The following FHIT variants were observed in gnomAD, a reference collection of about 807,000 sequenced individuals.
The protein encoded by FHIT is fragile histidine triad diadenosine triphosphatase.
FHIT carries 19 observed loss-of-function variants against 17.9 expected under a neutral mutation model. The observed-to-expected ratio is 1.06, with a 90% CI of 0.74 to 1.56. FHIT has a LOEUF of 1.56. Ranked by LOEUF, FHIT falls within the 40% of genes most tolerant of loss-of-function variation. The probability of loss-of-function intolerance (pLI) is 0.00; values close to 1 mark genes in which losing one functional copy is unlikely to be tolerated. For missense variants in FHIT, 248 were observed against 189.2 expected (o/e 1.31, Z -1.82); for synonymous variants, 81 against 69.7 (o/e 1.16, Z -0.81).
intron 2 of FHIT, among the ~76,000 whole-genome samples, chr3:61,082,796 T>C (rs1002808761): frequency 2.6e-5 from 4 of 152,214 alleles, no homozygotes; most frequent in African/African-American, 9.6e-5. Context: ...CTTTGTAATA[T>C]GCTGTGTAGC....
At chr3:61,166,837 G>T (rs1276373618) in intron 2 of FHIT, 1 of 152,220 alleles carries the variant, frequency 6.6e-6, no homozygotes, top group Non-Finnish European at 1.5e-5. Context: ...AAGTAAGACA[G>T]GTGTGGTGCT....
intron 5 of FHIT, among the ~76,000 whole-genome samples, chr3:60,376,982 A>C (rs559687759): frequency 4.9e-4 from 75 of 152,226 alleles, no homozygotes; most frequent in African/African-American, 1.2e-4. Flanking sequence ...CCATCCATTT[A>C]TCTCTCTCTC....
At chr3:59,892,194 T>C (rs1212673210) in intron 8 of FHIT, among the ~76,000 whole-genome samples, 3 of 152,170 alleles carry the variant, frequency 2.0e-5, no homozygotes, top group Non-Finnish European at 2.9e-5. Context: ...GGGAGGGACA[T>C]AGCTGGTCAA....
At chr3:60,068,061 C>A (rs555200414) in intron 5 of FHIT, among the ~76,000 whole-genome samples, 38 of 152,098 alleles carry the variant, frequency 2.5e-4, no homozygotes, top group African/African-American at 8.2e-4. Flanking sequence ...CGTGGTGAAA[C>A]CCCGTCTCTA....
intron 4 of FHIT, among the ~76,000 whole-genome samples, chr3:60,607,002 G>C (rs950939880): frequency 9.2e-5 from 14 of 151,976 alleles, no homozygotes; most frequent in Non-Finnish European, 1.6e-4. Flanking sequence ...TACATTGAGA[G>C]GCTGCTCATT....
intron 8 of FHIT, among the ~76,000 whole-genome samples, chr3:59,776,703 A>G (rs1037435027): frequency 1.3e-5 from 2 of 152,168 alleles, no homozygotes; most frequent in Non-Finnish European, 2.9e-5. Flanking sequence ...CCCCTTCAAT[A>G]ATAATCAGAG....
At chr3:60,741,072 G>A (rs1055364559) in intron 4 of FHIT, among the ~76,000 whole-genome samples, 3 of 152,160 alleles carry the variant, frequency 2.0e-5, no homozygotes, top group African/African-American at 7.2e-5. Flanking sequence ...AGAATTAATG[G>A]GAAAAGACAA....
At chr3:61,216,214 G>A (rs576465117) in intron 1 of FHIT, among the ~76,000 whole-genome samples, 1 of 152,172 alleles carries the variant, frequency 6.6e-6, no homozygotes, top group Non-Finnish European at 1.5e-5. Context: ...GCAACCTACA[G>A]AATCGGAGAA....
At chr3:60,642,748 A>G (rs1228319643) in intron 4 of FHIT, among the ~76,000 whole-genome samples, 2 of 152,068 alleles carry the variant, frequency 1.3e-5, no homozygotes, top group African/African-American at 4.8e-5. Flanking sequence ...CTCCAGGGGT[A>G]TGTGGTCCTC....
In FHIT at chr3:61,094,365, C is replaced by A. The variant is rs1361656243; in HGVS notation, c.-163-52266G>T. On this transcript the variant is annotated intron_variant, in intron 2 of 9. Transcript: ENST00000492590. ...GTGCAACCTTGCATAACTGACAGAA[C>A]AATAACTTCTTTGCATCTCACATGC... Among the ~76,000 whole-genome samples, 5 of 152,254 alleles carry A rather than the reference C, an allele frequency of 3.3e-5. No homozygotes were observed. The East Asian group carries it at 5.8e-4, about 18-fold the overall frequency.
At chr3:59,790,520 CT>C (rs1408473064) in intron 8 of FHIT, among the ~76,000 whole-genome samples, 1 of 139,908 alleles carries the variant, frequency 7.1e-6, no homozygotes, top group South Asian at 2.2e-4. Flanking sequence ...CTCTCTCTCT[CT>C]CTCTCTCTGT....
chr3:61,150,070 T>A (rs1039543927), intron 2 of FHIT, among the ~76,000 whole-genome samples: 5 of 152,120 alleles, frequency 3.3e-5, no homozygotes, highest in African/African-American at 1.2e-4. Flanking sequence ...AACAAGTAAT[T>A]GTTGAAAATC....
chr3:60,269,417 G>T (rs1289704003), intron 5 of FHIT, among the ~76,000 whole-genome samples: 1 of 152,136 alleles, frequency 6.6e-6, no homozygotes, highest in African/African-American at 2.4e-5. Context: ...ATCACCTGCT[G>T]GCTGTTCTTT....
intron 2 of FHIT, among the ~76,000 whole-genome samples, chr3:61,117,619 A>G (rs1208806539): frequency 1.3e-5 from 2 of 152,314 alleles, no homozygotes; most frequent in South Asian, 4.1e-4. Context: ...TTCTATAAAC[A>G]TATACATTTA....
chr3:60,762,714 T>C (rs1172122557), intron 4 of FHIT, among the ~76,000 whole-genome samples: 1 of 152,164 alleles, frequency 6.6e-6, no homozygotes, highest in Non-Finnish European at 1.5e-5. Flanking sequence ...AGACTTTGAG[T>C]AAAACAGATT....
intron 7 of FHIT, among the ~76,000 whole-genome samples, chr3:59,960,584 T>C (rs1040684792): frequency 1.3e-5 from 2 of 152,078 alleles, no homozygotes; most frequent in South Asian, 2.1e-4. Flanking sequence ...GTCAGTTTTA[T>C]AGCTAGAAAT....
At chr3:59,766,057 T>C (rs1373911830) in intron 8 of FHIT, among the ~76,000 whole-genome samples, 1 of 152,154 alleles carries the variant, frequency 6.6e-6, no homozygotes, top group African/African-American at 2.4e-5. Flanking sequence ...GAGCATAGAT[T>C]GAGGATGCTG....
chr3:60,137,177 C>T lies in FHIT; in HGVS notation c.104-123025G>A, dbSNP rs112934958. On this transcript the variant is annotated intron_variant, in intron 5 of 9. Transcript: ENST00000492590. ...AAAATACTGAAGCAGCTTTTCCCAACGGTACCTCGCCTCCCTAGAGCGGAA... is the reference window on the plus strand; with the variant it reads ...AAAATACTGAAGCAGCTTTTCCCAATGGTACCTCGCCTCCCTAGAGCGGAA... Among the ~76,000 whole-genome samples, 602 of 152,270 alleles carry T rather than the reference C, an allele frequency of 4.0e-3. 3 individuals are homozygous for T. Among genetic ancestry groups the T allele is most frequent in the African/African-American group, 0.014 (564 of 41,560 alleles).
intron 5 of FHIT, among the ~76,000 whole-genome samples, chr3:60,485,337 T>C (rs960034418): frequency 1.2e-4 from 18 of 152,194 alleles, no homozygotes; most frequent in Non-Finnish European, 2.6e-4. Context: ...CATTCTACTA[T>C]AAAGACACAT....
Sources: gnomAD v4.1 joint callset for allele counts (sites outside exome capture counted in the v4.1 genomes callset) on GRCh38, gnomAD v4.1.1 for gene constraint, MANE v1.5 for transcripts, NCBI Gene and HGNC (gene_info 2026-07-23, HGNC 2026-07-21) for gene names.